Variants in MICAL3 observed in about 807,000 individuals in gnomAD.
MICAL3 encodes the protein [F-actin]-monooxygenase MICAL3.
A neutral mutation model predicts 207.4 loss-of-function variants in MICAL3; 62 were observed. The observed-to-expected ratio is 0.30, with a 90% confidence interval of 0.24 to 0.37. The LOEUF (loss-of-function observed/expected upper bound fraction) is 0.37, where lower values mean the gene tolerates loss of function less well. Ranked by LOEUF, MICAL3 falls within the 10% of genes least tolerant of loss-of-function variation. The pLI is 1.00. For synonymous variants in MICAL3, 1,077 were observed against 1,069.3 expected (o/e 1.01, Z -0.14); for missense variants, 2,368 against 2,635.6 (o/e 0.90, Z 2.22).
chr22:17,795,345 C>G (rs2061864201), intron 29 of MICAL3, among the ~76,000 whole-genome samples: 1 of 152,252 alleles, frequency 6.6e-6, no homozygotes, highest in African/African-American at 2.4e-5. Context: ...CGTCAGTGAA[C>G]AGTCCCTGCC....
intron 1 of MICAL3, among the ~76,000 whole-genome samples, chr22:18,003,113 T>C (rs749275888): frequency 4.6e-5 from 7 of 150,950 alleles, no homozygotes; most frequent in African/African-American, 4.9e-5. Context: ...TGAGCCAAGA[T>C]TGCACCACTG....
chr22:17,885,973 C>A lies in MICAL3; in HGVS notation c.2146G>T (p.Val716Phe), dbSNP rs966030706. The A allele has an allele frequency of 8.7e-6, 14 of 1,613,926 alleles. No homozygotes were observed. The highest frequency in any genetic ancestry group is 1.6e-4 in the Middle Eastern group (1 of 6,084). ...TLTDRRMDVA[V>F]GNQNKVKYMA... ...TACTTCACTTTGTTCTGGTTCCCAA[C>A]GGCAACGTCCATCCTCCTGTCTGTC... The change falls in exon 16 of 32, where the codon GTT (valine) becomes TTT (phenylalanine). Residue 716 changes from valine (V) to phenylalanine (F), a missense_variant. Physicochemically the swap from Val to Phe is conservative, Grantham distance 50. Transcript: ENST00000441493.
chr22:17,888,980 C>CCGGGCCACAG, intron 13 of MICAL3, 54 bp downstream of exon 13: 1 of 1,311,580 alleles, frequency 7.6e-7, no homozygotes, highest in Non-Finnish European at 1.1e-6. Context: ...GGAAGAACAG[C>CCGGGCCACAG]CGGGCCACAG....
In MICAL3 at chr22:17,872,001, G is replaced by A. The variant is rs779810620; in HGVS notation, c.2264C>T (p.Pro755Leu). Reference protein sequence around the residue: ...RRQGSMKKEFPQNLGGSDTCY... With the variant: ...RRQGSMKKEFLQNLGGSDTCY... The stretch of plus-strand genomic sequence containing the variant: ...TGTGTCGCTGCCTCCCAGGTTCTGC[G>A]GGAACTCCTTCTTCATGGAGCCCTG... Residue 755 changes from proline to leucine, a missense_variant, in exon 17 of 32, where the codon CCG (proline) becomes CTG (leucine). Physicochemically the swap from Pro to Leu is moderately conservative, Grantham distance 98. This residue lies in a region of MICAL3 where 1,770 missense variants were observed against 1,863.2 expected (regional missense o/e 0.95). Coordinates refer to ENST00000441493, the MANE Select transcript of MICAL3 (RefSeq NM_015241.3). The A allele has an allele frequency of 1.7e-5, 28 of 1,606,618 alleles. No individual in the cohort carries two copies. Among genetic ancestry groups the A allele is most frequent in the Admixed American group, 6.8e-5 (4 of 59,040 alleles).
intron 19 of MICAL3, among the ~76,000 whole-genome samples, chr22:17,848,658 TCAC>T (rs770859662): frequency 3.3e-5 from 5 of 152,184 alleles, no homozygotes; most frequent in Admixed American, 6.5e-5. Context: ...CTCGGGGACT[TCAC>T]CACTCCTCTG....
rs1033831662 is a variant in MICAL3 at position 17,916,240 on chromosome 22, C to T, written c.-74-9354G>A. Among the ~76,000 whole-genome samples the T allele has an allele frequency of 8.5e-5, 13 of 152,136 alleles. No individual in the cohort carries two copies. In the East Asian group the frequency reaches 2.1e-3, roughly 25 times the overall value. On this transcript the variant is annotated intron_variant, in intron 1 of 31. Coordinates refer to ENST00000441493, the MANE Select transcript of MICAL3 (RefSeq NM_015241.3). ...CTGCCTTCCCTCCAATGATAGCGAGCGACATCTGCCGCATGTCTCGCTGAA... is the reference window on the plus strand; with the variant it reads ...CTGCCTTCCCTCCAATGATAGCGAGTGACATCTGCCGCATGTCTCGCTGAA...
At chr22:17,879,318 C>A in intron 16 of MICAL3, 2 of 1,593,650 alleles carry the variant, frequency 1.3e-6, no homozygotes, top group African/African-American at 1.3e-5. Flanking sequence ...CTCTCAGCAT[C>A]CCATGCCACG....
At chr22:17,987,019 A>G (rs1185640714) in intron 1 of MICAL3, among the ~76,000 whole-genome samples, 2 of 151,944 alleles carry the variant, frequency 1.3e-5, no homozygotes, top group Non-Finnish European at 2.9e-5. Flanking sequence ...CAGGAGAATC[A>G]TTGAGACTAG....
intron 19 of MICAL3, among the ~76,000 whole-genome samples, chr22:17,849,692 T>G (rs1443790043): frequency 1.0e-4 from 13 of 128,444 alleles, no homozygotes; most frequent in Admixed American, 4.5e-4. Context: ...GTGTGTATTT[T>G]TTTTTTTTTT....
chr22:17,806,610 G>C (rs2061991990), intron 29 of MICAL3, among the ~76,000 whole-genome samples: 1 of 152,206 alleles, frequency 6.6e-6, no homozygotes, highest in African/African-American at 2.4e-5. Flanking sequence ...TACAGTTCTT[G>C]TGTGTACTGG....
rs369723243 is a variant in MICAL3, at chr22:17,871,862, C to T, written c.2403G>A (p.Ser801=). The T allele has an allele frequency of 1.7e-4, 281 of 1,609,616 alleles. No individual in the cohort carries two copies. The highest frequency in any genetic ancestry group is 2.3e-4 in the Non-Finnish European group (267 of 1,178,282). ...CATCCTCGATGTCGTAGGCGTAGGC[C>T]GAGAGGCGCAGGGTGGTGGCGCAGT... is the stretch of plus-strand genomic sequence containing the variant. ...CEYCATTLRL[S]AYAYDIEDGK... is the part of the protein sequence containing the mutation. The change falls in exon 17 of 32, where the codon TCG becomes TCA. Residue 801 remains serine (S), a synonymous_variant. Transcript: ENST00000441493.
chr22:17,811,127 C>T (rs2062044130), intron 27 of MICAL3: 1 of 257,142 alleles, frequency 3.9e-6, no homozygotes, highest in Non-Finnish European at 7.6e-6. Flanking sequence ...GACTGTTAGG[C>T]AGTTAAAACA....
Position 17,896,975 on chromosome 22 carries a change from C to T in MICAL3, c.955G>A (p.Ala319Thr), listed in dbSNP as rs371751351. ...CGGGAAAGCAGGAGCTCTGTGTCGG[C>T]GTAGTCCTGTCTCCAGAGAAAGAGG... ...LDKGVILHDY[A>T]DTELLLSREN... Residue 319 changes from alanine to threonine, a missense_variant, in exon 8 of 32, where the codon GCC becomes ACC. Physicochemically the swap from Ala to Thr is moderately conservative, Grantham distance 58. Around this residue, in one of 4 missense-constraint regions of MICAL3, gnomAD observed 400 missense variants for 547.0 expected, o/e 0.73. Coordinates refer to ENST00000441493, the MANE Select transcript of MICAL3 (RefSeq NM_015241.3). The T allele has an allele frequency of 1.6e-4, 255 of 1,611,274 alleles. 1 individual carries two copies. The highest frequency in any genetic ancestry group is 2.0e-4 in the Non-Finnish European group (236 of 1,178,624).
chr22:17,808,980 T>A lies in MICAL3; in HGVS notation c.5557-43A>T, dbSNP rs1601942252. 2.7e-6 allele frequency: 4 copies of A among 1,496,918 alleles called. No individual in the cohort carries two copies. The African/African-American group carries it at 4.2e-5, about 16-fold the overall frequency. The allele number at this position is 1,496,918 out of a possible 1,614,324, so 92.7% of individuals were successfully genotyped here. On this transcript the variant is annotated intron_variant, in intron 28 of 31. Coordinates refer to ENST00000441493, the MANE Select transcript of MICAL3 (RefSeq NM_015241.3). ...GACTGAGCACCCGGCTCTCCAGCCCTGCTTCAGGAGGACACACAACTCCAC... is the reference window on the plus strand; with the variant it reads ...GACTGAGCACCCGGCTCTCCAGCCCAGCTTCAGGAGGACACACAACTCCAC...
intron 1 of MICAL3, among the ~76,000 whole-genome samples, chr22:17,943,870 G>A (rs753765766): frequency 6.6e-6 from 1 of 152,226 alleles, no homozygotes; most frequent in Non-Finnish European, 1.5e-5. Context: ...CAGTGCAGGT[G>A]AGAGATGGAG....
At chr22:18,004,431 T>G (rs1268023131) in intron 1 of MICAL3, 1 of 152,222 alleles carries the variant, frequency 6.6e-6, no homozygotes, top group Non-Finnish European at 1.5e-5. Flanking sequence ...CCAGCTAATT[T>G]TGTATTTTTA....
chr22:17,976,967 C>T (rs1318587904), intron 1 of MICAL3, among the ~76,000 whole-genome samples: 2 of 151,936 alleles, frequency 1.3e-5, no homozygotes, highest in Non-Finnish European at 2.9e-5. Context: ...CCACCATGCC[C>T]GGCTAATTTT....
chr22:17,801,860 T>G (rs143077590), intron 29 of MICAL3, among the ~76,000 whole-genome samples: 2 of 151,678 alleles, frequency 1.3e-5, no homozygotes, highest in African/African-American at 4.8e-5. Flanking sequence ...CGCCACTGCA[T>G]TCCAGCCTGG....
chr22:17,917,235 C>T (rs1025604644), intron 1 of MICAL3, among the ~76,000 whole-genome samples: 11 of 152,124 alleles, frequency 7.2e-5, no homozygotes, highest in Admixed American at 2.0e-4. Flanking sequence ...TGTGACTTTT[C>T]TACCTGGATG....
Sources: allele counts gnomAD v4.1 joint callset (sites outside exome capture counted in the v4.1 genomes callset), GRCh38; gene constraint gnomAD v4.1.1; regional missense constraint gnomAD v4.1.1; transcripts MANE v1.5; gene names NCBI Gene and HGNC (gene_info 2026-07-23, HGNC 2026-07-21).